The following SBSPON variants were observed in gnomAD, a reference collection of about 807,000 sequenced individuals.
The protein encoded by SBSPON is somatomedin B and thrombospondin type 1 domain containing, also known as somatomedin-B and thrombospondin type-1 domain-containing protein.
Under a neutral mutation model 35.8 loss-of-function variants are expected in SBSPON, and 30 were observed. That is an observed-to-expected ratio of 0.84 (90% CI 0.63 to 1.14). The LOEUF (loss-of-function observed/expected upper bound fraction) is 1.14. Ranked by LOEUF, SBSPON falls within the 50% of genes most tolerant of loss-of-function variation. The pLI is 0.00. For missense variants in SBSPON, 364 were observed against 357.7 expected, an observed-to-expected ratio of 1.02 and a Z score of -0.14; for synonymous variants, 136 against 135.9, an observed-to-expected ratio of 1.00 and a Z score of 0.00.
chr8:73,079,529 C>G (rs1810654921), intron 2 of SBSPON, among the ~76,000 whole-genome samples: 1 of 152,160 alleles, frequency 6.6e-6, no homozygotes, highest in South Asian at 2.1e-4. Context: ...CCACACTAGT[C>G]TGCCTGCCTG....
At chr8:73,077,431 C>A (rs1391190547) in intron 2 of SBSPON, among the ~76,000 whole-genome samples, 2 of 152,176 alleles carry the variant, frequency 1.3e-5, no homozygotes, top group Non-Finnish European at 2.9e-5. Context: ...ACACAGGTGA[C>A]CATGAAGCAG....
Position 73,081,120 on chromosome 8 carries a change from T to A in SBSPON, c.308A>T (p.Gln103Leu), listed in dbSNP as rs1449293459. The change falls in exon 2 of 5, where the codon CAG becomes CTG. Residue 103 changes from glutamine (Q) to leucine (L), a missense_variant. By Grantham distance (113) the Gln-to-Leu change is moderately radical. Coordinates refer to ENST00000297354, the MANE Select transcript of SBSPON (RefSeq NM_153225.4). ...GGGCGCCCCGCCGTTCTGAGGCTCC[T>A]GCTGCACCGAGCGCCTCCGCACACG... ...TTRVRRRSVQQEPQNGGAPCP... is the reference protein window; with the variant it reads ...TTRVRRRSVQLEPQNGGAPCP... 6.2e-7 allele frequency: 1 copy of A among 1,613,554 alleles called. No homozygotes were observed.
At chr8:73,092,631 C>G (rs976348154) in intron 1 of SBSPON, among the ~76,000 whole-genome samples, 10 of 152,128 alleles carry the variant, frequency 6.6e-5, no homozygotes, top group African/African-American at 2.4e-4. Flanking sequence ...GGGCTCTGGT[C>G]TGTCTTGGGG....
At chr8:73,085,289 C>A (rs1810802395) in intron 1 of SBSPON, among the ~76,000 whole-genome samples, 2 of 152,268 alleles carry the variant, frequency 1.3e-5, no homozygotes, top group East Asian at 1.9e-4. Context: ...TCCTTTAGAT[C>A]CATTCTGATC....
intron 1 of SBSPON, chr8:73,085,348 T>C (rs1396584521): frequency 2.0e-5 from 3 of 152,148 alleles, no homozygotes; most frequent in African/African-American, 4.8e-5. Context: ...CAAGCTTCTT[T>C]ACTTTTATTA....
chr8:73,086,720 TA>T (rs1261377101), intron 1 of SBSPON, among the ~76,000 whole-genome samples: 1 of 152,146 alleles, frequency 6.6e-6, no homozygotes, highest in Non-Finnish European at 1.5e-5. Context: ...TGTCATTTGA[TA>T]AATAGAATTT....
intron 1 of SBSPON, among the ~76,000 whole-genome samples, chr8:73,083,515 G>C (rs1355258890): frequency 1.3e-5 from 2 of 152,202 alleles, no homozygotes; most frequent in Non-Finnish European, 2.9e-5. Flanking sequence ...AAGAGATCTT[G>C]GTCATGGAGG....
rs191842691 is a variant in SBSPON at position 73,079,664 on chromosome 8, C to T, written c.409+1355G>A. Among the ~76,000 whole-genome samples the T allele has an allele frequency of 9.7e-4, 147 of 152,230 alleles. 1 individual carries two copies. The highest frequency in any genetic ancestry group is 1.1e-3 in the Non-Finnish European group (78 of 68,022). On this transcript the variant is annotated intron_variant, in intron 2 of 4. Coordinates refer to ENST00000297354, the MANE Select transcript of SBSPON (RefSeq NM_153225.4). ...CCTCCTCCTCCTTCTCCCCCAAGAC[C>T]GAGGGGAATCACCTGATTACACCCG... is the stretch of plus-strand genomic sequence containing the variant.
At chr8:73,081,723 T>G (rs1459746712) in intron 1 of SBSPON, among the ~76,000 whole-genome samples, 1 of 152,054 alleles carries the variant, frequency 6.6e-6, no homozygotes, top group Non-Finnish European at 1.5e-5. Flanking sequence ...TCTCAGCAAA[T>G]GTGTCTTCAT....
intron 1 of SBSPON, among the ~76,000 whole-genome samples, chr8:73,087,610 G>A (rs2130039222): frequency 6.6e-6 from 1 of 152,210 alleles, no homozygotes; most frequent in East Asian, 1.9e-4. Flanking sequence ...CGTAGACTCT[G>A]GCATCTTTCC....
At position 73,093,134 on chromosome 8, in the gene SBSPON, G is replaced by T; in HGVS notation, c.-67C>A. The T allele has an allele frequency of 3.3e-6, 3 of 904,566 alleles. No individual in the cohort carries two copies. The highest frequency in any genetic ancestry group is 4.3e-6 in the Non-Finnish European group (3 of 698,290). The allele number at this position is 904,566 out of a possible 1,614,324, so 56.0% of individuals were successfully genotyped here. On this transcript the variant is annotated 5_prime_UTR_variant, in exon 1 of 5. Transcript: ENST00000297354. The stretch of plus-strand genomic sequence containing the variant: ...GGGCAAGCGCTCTGATCCTCGGCTG[G>T]CCGCGGCCCGGGAGCTGCCCGAGCG...
At chr8:73,076,619 C>G (rs1398263449) in intron 2 of SBSPON, among the ~76,000 whole-genome samples, 1 of 151,614 alleles carries the variant, frequency 6.6e-6, no homozygotes, top group East Asian at 1.9e-4. Flanking sequence ...TGCACTCCAG[C>G]CTGGGCAACA....
chr8:73,074,484 G>T, intron 2 of SBSPON: 1 of 453,714 alleles, frequency 2.2e-6, no homozygotes, highest in Non-Finnish European at 2.9e-6. Context: ...GAAAATTATG[G>T]CACAGAGAGG....
intron 1 of SBSPON, among the ~76,000 whole-genome samples, chr8:73,087,020 T>C (rs2130037531): frequency 6.6e-6 from 1 of 152,266 alleles, no homozygotes; most frequent in Non-Finnish European, 1.5e-5. Flanking sequence ...CATTATTAAG[T>C]AGCATCATGA....
chr8:73,069,077 C>T (rs1810444833), intron 4 of SBSPON, among the ~76,000 whole-genome samples: 2 of 152,208 alleles, frequency 1.3e-5, no homozygotes, highest in Admixed American at 6.5e-5. Flanking sequence ...TGGCCCTTTA[C>T]AGAAAAGGTT....
At position 73,067,140 on chromosome 8, in the gene SBSPON, G is replaced by C; in HGVS notation, c.*201C>G. On this transcript the variant is annotated 3_prime_UTR_variant, in exon 5 of 5. Transcript: ENST00000297354. The stretch of plus-strand genomic sequence containing the variant: ...ATAAAACCACAAGAGCTTTTTGAGT[G>C]GGTCTTCAACTTAGTTAAAATAAAA... 1 of 437,460 alleles carries C rather than the reference G, an allele frequency of 2.3e-6. No homozygotes were observed. Among genetic ancestry groups the C allele is most frequent in the Non-Finnish European group, 4.1e-6 (1 of 241,392 alleles). The allele number at this position is 437,460 out of a possible 1,614,324, so 27.1% of individuals were successfully genotyped here.
At position 73,088,997 on chromosome 8, in the gene SBSPON, C is replaced by T. The variant is rs1258383634; in HGVS notation, c.214+3857G>A. On this transcript the variant is annotated intron_variant, in intron 1 of 4. Coordinates refer to ENST00000297354, the MANE Select transcript of SBSPON (RefSeq NM_153225.4). ...AGTTGAGTCTCAGTACTCAGGACTT[C>T]CTGGATCTTAGAAAGGGAATACAGT... Among the ~76,000 whole-genome samples, 3 of 152,168 alleles carry T rather than the reference C, an allele frequency of 2.0e-5. No individual in the cohort carries two copies. In the East Asian group the frequency reaches 5.8e-4, roughly 29 times the overall value.
intron 1 of SBSPON, among the ~76,000 whole-genome samples, chr8:73,090,758 A>G (rs984107289): frequency 7.9e-5 from 12 of 152,180 alleles, no homozygotes; most frequent in Admixed American, 6.5e-4. Flanking sequence ...TTAAAATTCA[A>G]TCTGACACCA....
In SBSPON at chr8:73,065,546, T is replaced by G. The variant is rs1222616428; in HGVS notation, c.*1795A>C. On this transcript the variant is annotated 3_prime_UTR_variant, in exon 5 of 5. Coordinates refer to ENST00000297354, the MANE Select transcript of SBSPON (RefSeq NM_153225.4). ...ATCCCAGCACCTTGGGAGGCCGAGG[T>G]GGGTGGATCACGAGGTCAGGAGATC... is the stretch of plus-strand genomic sequence containing the variant. 1.3e-5 allele frequency: 2 copies of G among 151,660 alleles called. No homozygotes were observed. The highest frequency in any genetic ancestry group is 2.9e-5 in the Non-Finnish European group (2 of 67,952). The allele number at this position is 151,660 out of a possible 1,614,324, so 9.4% of individuals were successfully genotyped here. A position where few individuals can be genotyped will look rare whatever the true frequency, so the allele number is the denominator to read the frequency against.
Sources: gnomAD v4.1 joint callset for allele counts (sites outside exome capture counted in the v4.1 genomes callset) on GRCh38, gnomAD v4.1.1 for gene constraint, MANE v1.5 for transcripts, NCBI Gene and HGNC (gene_info 2026-07-23, HGNC 2026-07-21) for gene names.